Variants in HPSE2 observed in about 807,000 individuals in gnomAD.
HPSE2 encodes the protein inactive heparanase-2.
In HPSE2, 38 loss-of-function variants were observed where a neutral mutation model predicts 60.5. The ratio of observed to expected loss-of-function variants is 0.63; its 90% CI spans 0.48 to 0.82. The LOEUF is 0.82. Among genes scored for constraint, HPSE2 ranks in the 40% least tolerant of loss-of-function variants. The pLI, the probability that HPSE2 is intolerant of heterozygous loss-of-function variation, is 0.00. For synonymous variants in HPSE2, 295 were observed against 293.2 expected (o/e 1.01, Z -0.06); for missense variants, 713 against 740.4 (o/e 0.96, Z 0.43).
At chr10:98,750,846 A>G (rs2134352946) in intron 3 of HPSE2, among the ~76,000 whole-genome samples, 1 of 152,316 alleles carries the variant, frequency 6.6e-6, no homozygotes, top group East Asian at 1.9e-4. Flanking sequence ...CAGAATATGC[A>G]AATCCAGAGT....
At chr10:99,021,080 T>A (rs1408020618) in intron 3 of HPSE2, among the ~76,000 whole-genome samples, 1 of 152,126 alleles carries the variant, frequency 6.6e-6, no homozygotes, top group Non-Finnish European at 1.5e-5. Flanking sequence ...AATTATCTGA[T>A]CCCTCCATTA....
intron 5 of HPSE2, among the ~76,000 whole-genome samples, chr10:98,697,438 C>T (rs977451068): frequency 2.6e-5 from 4 of 152,070 alleles, no homozygotes; most frequent in Non-Finnish European, 5.9e-5. Context: ...TGAAATAAGG[C>T]ATGCAGACAA....
chr10:98,715,404 T>C lies in HPSE2; in HGVS notation c.956+6253A>G, dbSNP rs567773281. ...TCATTATAAGGATACCAATTACAGA[T>C]TTTTATTTTTAAAGCACTGGATCTT... On this transcript the variant is annotated intron_variant, in intron 5 of 11. Coordinates refer to ENST00000370552, the MANE Select transcript of HPSE2 (RefSeq NM_021828.5). Among the ~76,000 whole-genome samples the C allele has an allele frequency of 2.0e-5, 3 of 152,080 alleles. No homozygotes were observed. The East Asian group carries it at 5.8e-4, about 29-fold the overall frequency.
chr10:98,919,774 A>G (rs536535587), intron 3 of HPSE2, among the ~76,000 whole-genome samples: 1 of 152,206 alleles, frequency 6.6e-6, no homozygotes, highest in African/African-American at 2.4e-5. Flanking sequence ...AAATAAAAGT[A>G]CAGATAGTTG....
At chr10:98,924,896 C>T (rs1954401778) in intron 3 of HPSE2, among the ~76,000 whole-genome samples, 1 of 152,202 alleles carries the variant, frequency 6.6e-6, no homozygotes, top group Non-Finnish European at 1.5e-5. Context: ...GTTTGGACCA[C>T]TGGGATGGGT....
intron 9 of HPSE2, among the ~76,000 whole-genome samples, chr10:98,609,155 T>C (rs539763416): frequency 1.3e-5 from 2 of 152,292 alleles, no homozygotes; most frequent in South Asian, 2.1e-4. Flanking sequence ...CCAGAAAGCC[T>C]TCCTTGATGC....
chr10:99,013,949 C>A, intron 3 of HPSE2: 1 of 421,672 alleles, frequency 2.4e-6, no homozygotes, highest in East Asian at 7.9e-5. Context: ...AAGAGAATTC[C>A]CATTCTCGGG....
intron 3 of HPSE2, among the ~76,000 whole-genome samples, chr10:98,849,207 TTAATGA>T (rs2134725447): frequency 6.6e-6 from 1 of 152,170 alleles, no homozygotes; most frequent in South Asian, 2.1e-4. Flanking sequence ...AACATGAAAG[TTAATGA>T]TACCTTCCTT....
At chr10:99,104,086 T>C (rs906315096) in intron 3 of HPSE2, among the ~76,000 whole-genome samples, 1 of 152,208 alleles carries the variant, frequency 6.6e-6, no homozygotes, top group Admixed American at 6.5e-5. Context: ...AAGGACTTTA[T>C]GTCTAAAACA....
chr10:98,888,919 G>A (rs2134920816), intron 3 of HPSE2, among the ~76,000 whole-genome samples: 1 of 152,256 alleles, frequency 6.6e-6, no homozygotes, highest in African/African-American at 2.4e-5. Context: ...GGTTGGGCAT[G>A]GTGCCTCATC....
chr10:98,634,897 C>A (rs991418456), intron 7 of HPSE2, among the ~76,000 whole-genome samples: 18 of 152,186 alleles, frequency 1.2e-4, no homozygotes, highest in African/African-American at 3.9e-4. Context: ...GAGAGTCTAA[C>A]TTTTAGGTGT....
chr10:99,011,294 G>A (rs1024100461), intron 3 of HPSE2, among the ~76,000 whole-genome samples: 4 of 151,944 alleles, frequency 2.6e-5, no homozygotes, highest in Non-Finnish European at 5.9e-5. Context: ...TTTAGATATT[G>A]AGTATTTCAC....
chr10:99,252,321 C>G, the HPSE2 span, among the ~76,000 whole-genome samples: 11 of 152,040 alleles, frequency 7.2e-5, no homozygotes, highest in Non-Finnish European at 5.9e-5. Context: ...TTACCCAGAG[C>G]AATCATCCAA....
At chr10:98,601,731 C>G (rs1205481699) in intron 9 of HPSE2, among the ~76,000 whole-genome samples, 1 of 152,150 alleles carries the variant, frequency 6.6e-6, no homozygotes, top group East Asian at 1.9e-4. Flanking sequence ...AGGCTTTTGG[C>G]CTGAACTCCT....
At chr10:98,762,861 C>A (rs1194413231) in intron 3 of HPSE2, among the ~76,000 whole-genome samples, 1 of 152,054 alleles carries the variant, frequency 6.6e-6, no homozygotes, top group African/African-American at 2.4e-5. Context: ...CAGCAGAGGA[C>A]AATCCTGAGA....
At chr10:98,522,048 G>A (rs1480067135) in intron 9 of HPSE2, among the ~76,000 whole-genome samples, 1 of 151,920 alleles carries the variant, frequency 6.6e-6, no homozygotes, top group Non-Finnish European at 1.5e-5. Context: ...ACGAGTTGAT[G>A]GGTGCAGCAA....
At chr10:98,913,998 G>A (rs1954049640) in intron 3 of HPSE2, among the ~76,000 whole-genome samples, 1 of 152,136 alleles carries the variant, frequency 6.6e-6, no homozygotes, top group African/African-American at 2.4e-5. Context: ...GGTGAAAATG[G>A]AGGATTTAGT....
At chr10:99,101,758 A>G (rs1403253034) in intron 3 of HPSE2, among the ~76,000 whole-genome samples, 4 of 152,216 alleles carry the variant, frequency 2.6e-5, no homozygotes, top group Non-Finnish European at 4.4e-5. Context: ...AGCAAATGTA[A>G]AAGAACAGAA....
intron 7 of HPSE2, among the ~76,000 whole-genome samples, chr10:98,633,466 G>C (rs960862079): frequency 6.6e-6 from 1 of 152,072 alleles, no homozygotes; most frequent in Non-Finnish European, 1.5e-5. Context: ...ACCTGCTTTG[G>C]ACTCCCAAAG....
Sources: allele counts gnomAD v4.1 joint callset (sites outside exome capture counted in the v4.1 genomes callset), GRCh38; gene constraint gnomAD v4.1.1; transcripts MANE v1.5; gene names NCBI Gene and HGNC (gene_info 2026-07-23, HGNC 2026-07-21).